XKR9: variants seen among roughly 807,000 people sequenced by gnomAD.
The protein encoded by XKR9 is XK-related protein 9.
In XKR9, 32 loss-of-function variants were observed where a neutral mutation model predicts 32.0. The ratio of observed to expected loss-of-function variants is 1.00; its 90% CI spans 0.76 to 1.34. The LOEUF (loss-of-function observed/expected upper bound fraction) is 1.34, where lower values mean the gene tolerates loss of function less well. Among genes scored for constraint, XKR9 ranks in the 40% most tolerant of loss-of-function variants. The pLI, the probability that XKR9 is intolerant of heterozygous loss-of-function variation, is 0.00. For synonymous variants in XKR9, 168 were observed against 143.4 expected, an observed-to-expected ratio of 1.17 and a Z score of -1.22; for missense variants, 546 against 429.7, an observed-to-expected ratio of 1.27 and a Z score of -2.39.
At chr8:70,822,783 G>A in the XKR9 span, among the ~76,000 whole-genome samples, 1 of 151,908 alleles carries the variant, frequency 6.6e-6, no homozygotes, top group Admixed American at 6.6e-5. Flanking sequence ...AATGCAAACA[G>A]AGCAGACTCT....
the XKR9 span, among the ~76,000 whole-genome samples, chr8:70,939,740 T>C: frequency 6.6e-6 from 1 of 151,966 alleles, no homozygotes. Flanking sequence ...CCAGGCTTTG[T>C]GCTAAAGGCT....
At chr8:71,024,837 C>G in the XKR9 span, among the ~76,000 whole-genome samples, 3 of 152,170 alleles carry the variant, frequency 2.0e-5, no homozygotes, top group African/African-American at 7.2e-5. Flanking sequence ...TGTCACTTCT[C>G]TGCTGAATTT....
chr8:70,882,782 TAGAC>T, the XKR9 span, among the ~76,000 whole-genome samples: 44 of 152,120 alleles, frequency 2.9e-4, no homozygotes, highest in Non-Finnish European at 2.6e-4. Context: ...TTAATAAACA[TAGAC>T]AGTTTACATT....
intron 4 of XKR9, among the ~76,000 whole-genome samples, chr8:70,711,141 G>A (rs750904170): frequency 3.7e-4 from 56 of 152,326 alleles, no homozygotes; most frequent in East Asian, 2.3e-3. Flanking sequence ...AGGTGAGGTT[G>A]CAGAGAAAGG....
At chr8:71,027,330 C>T in the XKR9 span, among the ~76,000 whole-genome samples, 1 of 148,972 alleles carries the variant, frequency 6.7e-6, no homozygotes, top group South Asian at 2.1e-4. Context: ...TCCAAAGGAT[C>T]CTCTTTACAG....
chr8:70,957,432 C>T, the XKR9 span, among the ~76,000 whole-genome samples: 3 of 152,038 alleles, frequency 2.0e-5, no homozygotes, highest in South Asian at 2.1e-4. Context: ...AGGTTTGTTA[C>T]GTAGTTAAAT....
chr8:70,771,039 G>A (rs1014314023), intron 2 of XKR9, among the ~76,000 whole-genome samples: 1 of 152,170 alleles, frequency 6.6e-6, no homozygotes, highest in Non-Finnish European at 1.5e-5. Context: ...GGGCCCTGGT[G>A]GTGTAGGCAC....
the XKR9 span, among the ~76,000 whole-genome samples, chr8:70,952,106 G>GAAA: frequency 1.4e-5 from 2 of 142,398 alleles, no homozygotes; most frequent in African/African-American, 2.7e-5. Flanking sequence ...ATTATAAAAT[G>GAAA]AAAAAAAAAG....
Position 70,669,491 on chromosome 8 carries a change from G to C in XKR9, c.-408G>C, listed in dbSNP as rs973999342. 8.3e-6 allele frequency: 2 copies of C among 240,768 alleles called. No individual in the cohort carries two copies. The highest frequency in any genetic ancestry group is 1.6e-5 in the Non-Finnish European group (2 of 121,698). 14.9% of individuals were successfully genotyped at this position (240,768 alleles called of 1,614,324 possible). Reference sequence around the variant, plus strand: ...CCTAGACAGGCGAGTGGATCCAAGTGGGCGAGAGACATTTTAATCTGGAAG... The same window carrying C: ...CCTAGACAGGCGAGTGGATCCAAGTCGGCGAGAGACATTTTAATCTGGAAG... On this transcript the variant is annotated 5_prime_UTR_variant, in exon 1 of 5. Coordinates refer to ENST00000408926, the MANE Select transcript of XKR9 (RefSeq NM_001011720.2).
chr8:70,730,400 C>CT (rs1160047345), intron 4 of XKR9, among the ~76,000 whole-genome samples: 1 of 152,100 alleles, frequency 6.6e-6, no homozygotes, highest in Admixed American at 6.6e-5. Flanking sequence ...CCATAGAGCT[C>CT]TTTTTTTCTA....
chr8:70,701,628 T>G (rs1437158932), intron 3 of XKR9, among the ~76,000 whole-genome samples: 3 of 152,270 alleles, frequency 2.0e-5, no homozygotes, highest in East Asian at 1.9e-4. Flanking sequence ...ATGGGCCAAA[T>G]TATCCAAAGG....
chr8:70,838,242 T>C, the XKR9 span, among the ~76,000 whole-genome samples: 1 of 152,152 alleles, frequency 6.6e-6, no homozygotes, highest in African/African-American at 2.4e-5. Flanking sequence ...ATAATCGTTG[T>C]CTTTTTTTAC....
At chr8:70,953,806 G>C in the XKR9 span, among the ~76,000 whole-genome samples, 4 of 152,232 alleles carry the variant, frequency 2.6e-5, no homozygotes, top group African/African-American at 9.6e-5. Flanking sequence ...GGCTCTCACT[G>C]TCTTGGCCTC....
the XKR9 span, among the ~76,000 whole-genome samples, chr8:70,819,977 C>G: frequency 6.6e-6 from 1 of 152,122 alleles, no homozygotes; most frequent in Non-Finnish European, 1.5e-5. Context: ...TAACAAGGCC[C>G]CTTTGGAAGT....
the XKR9 span, among the ~76,000 whole-genome samples, chr8:71,045,871 G>A: frequency 6.6e-6 from 1 of 152,212 alleles, no homozygotes; most frequent in Non-Finnish European, 1.5e-5. Context: ...AAGCATGGTA[G>A]TAGGTGTCAG....
At chr8:70,885,497 C>G in the XKR9 span, among the ~76,000 whole-genome samples, 1 of 152,010 alleles carries the variant, frequency 6.6e-6, no homozygotes, top group Admixed American at 6.5e-5. Flanking sequence ...TTTGCCGCAC[C>G]TATCAATCTG....
At position 70,789,353 on chromosome 8, in the gene XKR9, T is replaced by C. The variant is rs1344314114; in HGVS notation, n.367T>C. 5 of 152,156 alleles carry C rather than the reference T, an allele frequency of 3.3e-5. No individual in the cohort carries two copies. In the East Asian group the frequency reaches 9.6e-4, roughly 29 times the overall value. 9.4% of individuals were successfully genotyped at this position (152,156 alleles called of 1,614,324 possible). On this transcript the variant is annotated non_coding_transcript_exon_variant, in exon 3 of 4. Coordinates refer to the XKR9 transcript ENST00000520273. ...CATACATATAGGAAGCTTTGAAAAA[T>C]TCAAAAGAAAATATGCAAGGCTGGA... is the stretch of plus-strand genomic sequence containing the variant.
chr8:70,933,663 G>GA, the XKR9 span, among the ~76,000 whole-genome samples: 1 of 151,984 alleles, frequency 6.6e-6, no homozygotes, highest in African/African-American at 2.4e-5. Flanking sequence ...GGGTGCTTAT[G>GA]AAAAATGAAG....
At position 70,716,483 on chromosome 8, in the gene XKR9, T is replaced by G. The variant is rs148349385; in HGVS notation, c.493+9330T>G. 1.0e-2 allele frequency among the ~76,000 whole-genome samples: 1,521 copies of G among 152,128 alleles called. 23 individuals carry two copies. Among genetic ancestry groups the G allele is most frequent in the African/African-American group, 0.035 (1,440 of 41,506 alleles). On this transcript the variant is annotated intron_variant, in intron 4 of 4. Transcript: ENST00000408926. ...CATGGCAGAAGGGGAAGCAAACACA[T>G]CCTTCTTCACATGGTGACAGGAAGA...
Sources: allele counts gnomAD v4.1 joint callset (sites outside exome capture counted in the v4.1 genomes callset), GRCh38; gene constraint gnomAD v4.1.1; transcripts MANE v1.5; gene names NCBI Gene and HGNC (gene_info 2026-07-23, HGNC 2026-07-21).